The following CACNA2D3 variants were observed in gnomAD, a reference collection of about 807,000 sequenced individuals.
CACNA2D3 encodes calcium voltage-gated channel auxiliary subunit alpha2delta 3.
Under a neutral mutation model 160.6 loss-of-function variants are expected in CACNA2D3, and 60 were observed. The ratio of observed to expected loss-of-function variants is 0.37; its 90% CI spans 0.30 to 0.46. The LOEUF (loss-of-function observed/expected upper bound fraction) is 0.46. Among genes scored for constraint, CACNA2D3 ranks in the 20% least tolerant of loss-of-function variants. The pLI, the probability that CACNA2D3 is intolerant of heterozygous loss-of-function variation, is 1.00. For missense variants in CACNA2D3, 1,205 were observed against 1,365.0 expected (o/e 0.88, Z 1.85); for synonymous variants, 558 against 492.9 (o/e 1.13, Z -1.75).
chr3:54,275,712 G>T (rs555788705), intron 2 of CACNA2D3, among the ~76,000 whole-genome samples: 5 of 152,222 alleles, frequency 3.3e-5, no homozygotes, highest in Non-Finnish European at 5.9e-5. Context: ...CCGCCTTCTG[G>T]GTTCAAGCAG....
rs1699631704 is a variant in CACNA2D3 at position 54,409,562 on chromosome 3, G to T, written c.381+22788G>T. The stretch of plus-strand genomic sequence containing the variant: ...GCTGGAAGTGATTAAGCTTAGTGAG[G>T]AAGGCATGTTGAAAGCAGAGATGGG... On this transcript the variant is annotated intron_variant, in intron 4 of 37. Transcript: ENST00000474759. Among the ~76,000 whole-genome samples the T allele has an allele frequency of 2.0e-5, 3 of 152,300 alleles. 1 individual carries two copies. Among genetic ancestry groups the T allele is most frequent in the Admixed American group, 2.0e-4 (3 of 15,302 alleles).
intron 4 of CACNA2D3, among the ~76,000 whole-genome samples, chr3:54,495,780 T>C (rs967404187): frequency 6.6e-6 from 1 of 152,126 alleles, no homozygotes; most frequent in African/African-American, 2.4e-5. Context: ...GAGGGAAATT[T>C]CCAGGACTCC....
At chr3:54,604,889 G>A (rs933922979) in intron 9 of CACNA2D3, among the ~76,000 whole-genome samples, 2 of 152,128 alleles carry the variant, frequency 1.3e-5, no homozygotes, top group African/African-American at 4.8e-5. Context: ...GGAGTAGTTC[G>A]CAAGGGCTGC....
At chr3:54,428,633 A>G (rs915862664) in intron 4 of CACNA2D3, among the ~76,000 whole-genome samples, 2 of 151,960 alleles carry the variant, frequency 1.3e-5, no homozygotes, top group African/African-American at 4.8e-5. Context: ...GTCCACCCAA[A>G]TGGGCCTTAT....
At chr3:54,665,376 G>A (rs375897760) in intron 11 of CACNA2D3, among the ~76,000 whole-genome samples, 2 of 152,260 alleles carry the variant, frequency 1.3e-5, no homozygotes, top group South Asian at 2.1e-4. Flanking sequence ...CTGGCAAAGC[G>A]GTCTGTCGCA....
At chr3:54,181,829 A>G (rs751164609) in intron 2 of CACNA2D3, among the ~76,000 whole-genome samples, 6 of 152,166 alleles carry the variant, frequency 3.9e-5, no homozygotes, top group Admixed American at 6.5e-5. Context: ...TTTTCTTGTG[A>G]TAGGACCCCC....
At chr3:54,245,208 C>T (rs1387148274) in intron 2 of CACNA2D3, among the ~76,000 whole-genome samples, 1 of 151,866 alleles carries the variant, frequency 6.6e-6, no homozygotes, top group African/African-American at 2.4e-5. Flanking sequence ...AGAACACAGT[C>T]TTTTTATTTT....
chr3:54,725,005 T>C (rs1213633198), intron 11 of CACNA2D3, among the ~76,000 whole-genome samples: 4 of 151,762 alleles, frequency 2.6e-5, no homozygotes, highest in Non-Finnish European at 5.9e-5. Flanking sequence ...ATCAAGAAAA[T>C]AGATAGACTC....
chr3:54,384,236 C>T (rs920859958), intron 3 of CACNA2D3, among the ~76,000 whole-genome samples: 1 of 152,102 alleles, frequency 6.6e-6, no homozygotes, highest in Non-Finnish European at 1.5e-5. Context: ...AGTGCGTAGA[C>T]ACCATCAAAA....
intron 31 of CACNA2D3, among the ~76,000 whole-genome samples, chr3:55,003,802 T>C (rs910985801): frequency 2.0e-5 from 3 of 152,168 alleles, no homozygotes; most frequent in African/African-American, 7.2e-5. Flanking sequence ...TCTTCTCTGG[T>C]GAATGAAATG....
At chr3:54,500,556 T>TTCCTTCCTTCCTTC (rs1559498664) in intron 4 of CACNA2D3, among the ~76,000 whole-genome samples, 3 of 92,694 alleles carry the variant, frequency 3.2e-5, no homozygotes, top group African/African-American at 1.5e-4. Flanking sequence ...TTCCTTCCTT[T>TTCCTTCCTTCCTTC]CTCTCTCTTT....
chr3:54,874,708 A>G (rs557194534), intron 18 of CACNA2D3: 49 of 152,366 alleles, frequency 3.2e-4, no homozygotes, highest in African/African-American at 9.9e-4. Flanking sequence ...GTAATGGCCT[A>G]AGGACATAGA....
intron 27 of CACNA2D3, among the ~76,000 whole-genome samples, chr3:54,941,770 G>A (rs760584543): frequency 5.9e-5 from 9 of 152,174 alleles, no homozygotes; most frequent in Admixed American, 4.6e-4. Context: ...TCTAGAGGAA[G>A]GGACATTAAG....
chr3:54,663,741 C>T (rs1290070498), intron 11 of CACNA2D3, among the ~76,000 whole-genome samples: 1 of 152,206 alleles, frequency 6.6e-6, no homozygotes, highest in Non-Finnish European at 1.5e-5. Context: ...GGGGCTGAGC[C>T]CCTTCCTTGC....
At chr3:54,214,985 G>T (rs1577003547) in intron 2 of CACNA2D3, among the ~76,000 whole-genome samples, 3 of 152,210 alleles carry the variant, frequency 2.0e-5, no homozygotes, top group Admixed American at 6.5e-5. Context: ...CAGAGTAGGG[G>T]TCCTCAGATG....
At chr3:54,661,339 A>G (rs1448901421) in intron 11 of CACNA2D3, among the ~76,000 whole-genome samples, 2 of 152,174 alleles carry the variant, frequency 1.3e-5, no homozygotes, top group African/African-American at 4.8e-5. Context: ...TTGCTTTCAG[A>G]TGATGTGTTT....
At chr3:54,918,608 C>T (rs867274375) in intron 27 of CACNA2D3, 1 of 1,614,148 alleles carries the variant, frequency 6.2e-7, no homozygotes, top group Non-Finnish European at 8.5e-7. Context: ...CACACAATCC[C>T]ACACACAACG....
At chr3:54,499,327 A>G (rs1210293579) in intron 4 of CACNA2D3, among the ~76,000 whole-genome samples, 4 of 152,112 alleles carry the variant, frequency 2.6e-5, no homozygotes, top group African/African-American at 7.2e-5. Context: ...TTTTATTTGG[A>G]TCTTTGTACT....
rs60899252 is a variant in CACNA2D3, at chr3:54,886,935, C to CTTTTTTTTTTTTTTTTTTTTTTT, written c.2057-1010_2057-1009insTTTTTTTTTTTTTTTTTTTTTTT. On this transcript the variant is annotated intron_variant, in intron 23 of 37. Transcript: ENST00000474759. ...CTAGCTTTCGCTTTTCAGCAAAGCT[C>CTTTTTTTTTTTTTTTTTTTTTTT]TTTTTTTTTTTTTTGCCCCCAGTCA... Among the ~76,000 whole-genome samples, 2 of 107,748 alleles carry CTTTTTTTTTTTTTTTTTTTTTTT rather than the reference C, an allele frequency of 1.9e-5. 1 individual carries two copies. The highest frequency in any genetic ancestry group is 7.8e-5 in the African/African-American group (2 of 25,644). 70.7% of individuals were successfully genotyped at this position (107,748 alleles called of 152,430 possible).
Sources: allele counts gnomAD v4.1 joint callset (sites outside exome capture counted in the v4.1 genomes callset), GRCh38; gene constraint gnomAD v4.1.1; transcripts MANE v1.5; gene names NCBI Gene and HGNC (gene_info 2026-07-23, HGNC 2026-07-21).